Variants in PPDPFL observed in about 807,000 individuals in gnomAD.
PPDPFL encodes the protein pancreatic progenitor cell differentiation and proliferation factor-like protein.
A neutral mutation model predicts 12.6 loss-of-function variants in PPDPFL; 12 were observed. That is an observed-to-expected ratio of 0.95 (90% CI 0.61 to 1.54). PPDPFL has a LOEUF of 1.54. Ranked by LOEUF, PPDPFL falls within the 40% of genes most tolerant of loss-of-function variation. The pLI, the probability that PPDPFL is intolerant of heterozygous loss-of-function variation, is 0.00. For synonymous variants in PPDPFL, 24 were observed against 32.7 expected (o/e 0.73, Z 0.91); for missense variants, 114 against 96.0 (o/e 1.19, Z -0.78).
intron 4 of PPDPFL, 178 bp downstream of exon 4, chr8:49,074,511 T>G (rs780685079): frequency 4.5e-5 from 69 of 1,537,662 alleles, no homozygotes; most frequent in Non-Finnish European, 5.8e-5. Flanking sequence ...TCCTTGCAGG[T>G]CGCTGTCAGG....
At chr8:49,054,827 A>G (rs1483809731) in intron 1 of PPDPFL, among the ~76,000 whole-genome samples, 1 of 152,214 alleles carries the variant, frequency 6.6e-6, no homozygotes, top group Non-Finnish European at 1.5e-5. Flanking sequence ...ATTATCACTC[A>G]AAGGCATACT....
intron 1 of PPDPFL, among the ~76,000 whole-genome samples, chr8:49,055,311 G>A (rs1808096462): frequency 1.3e-5 from 2 of 152,214 alleles, no homozygotes; most frequent in African/African-American, 4.8e-5. Context: ...TCTGCACTGA[G>A]GCAGTTGCAA....
At position 49,074,111 on chromosome 8, in the gene PPDPFL, C is replaced by T. The variant is rs1405245278; in HGVS notation, c.108C>T (p.Phe36=). ...TAACTAGCTCTGATTCTGTTAACTTCATAGATGACGACAAACCACAGCAAG... is the reference window on the plus strand; with the variant it reads ...TAACTAGCTCTGATTCTGTTAACTTTATAGATGACGACAAACCACAGCAAG... ...SSLTSSDSVN[F]IDDDKPQQGL... Residue 36 remains phenylalanine, a synonymous_variant, in exon 3 of 5, where the codon TTC becomes TTT. Transcript: ENST00000522267. 6.2e-7 allele frequency: 1 copy of T among 1,612,870 alleles called. No individual in the cohort carries two copies. The highest frequency in any genetic ancestry group is 2.2e-5 in the East Asian group (1 of 44,868).
At chr8:49,073,593 A>G (rs543074185) in intron 2 of PPDPFL, among the ~76,000 whole-genome samples, 28 of 152,296 alleles carry the variant, frequency 1.8e-4, no homozygotes, top group African/African-American at 6.7e-4. Context: ...TTATATTCTG[A>G]TCTTATAAGA....
chr8:49,056,804 G>T (rs1217478619), intron 1 of PPDPFL, among the ~76,000 whole-genome samples: 1 of 152,088 alleles, frequency 6.6e-6, no homozygotes, highest in Non-Finnish European at 1.5e-5. Context: ...ATAGAAATAC[G>T]ACAATCAGTT....
chr8:49,071,653 C>T (rs1808392486), upstream of PPDPFL, among the ~76,000 whole-genome samples: 1 of 150,252 alleles, frequency 6.7e-6, no homozygotes, highest in African/African-American at 2.5e-5. Context: ...GAGACTCCGC[C>T]TCAGGAAAAG....
At chr8:49,059,808 C>A (rs1006904262) in intron 1 of PPDPFL, among the ~76,000 whole-genome samples, 1 of 152,156 alleles carries the variant, frequency 6.6e-6, no homozygotes, top group African/African-American at 2.4e-5. Flanking sequence ...AATGTATTTG[C>A]AATACCAGAG....
intron 1 of PPDPFL, among the ~76,000 whole-genome samples, chr8:49,063,168 C>T (rs893136432): frequency 3.9e-5 from 6 of 152,184 alleles, no homozygotes; most frequent in African/African-American, 1.4e-4. Context: ...CTGGTTTACT[C>T]TTACTCTATC....
At chr8:49,067,600 C>T (rs555130003), upstream of PPDPFL, among the ~76,000 whole-genome samples, 20 of 152,296 alleles carry the variant, frequency 1.3e-4, no homozygotes, top group East Asian at 3.7e-3. Context: ...TTTCCATGCT[C>T]CAGAAAGCAG....
intron 1 of PPDPFL, among the ~76,000 whole-genome samples, chr8:49,055,357 C>T (rs992471705): frequency 6.6e-6 from 1 of 152,074 alleles, no homozygotes; most frequent in Admixed American, 6.6e-5. Flanking sequence ...TCATTTTGCA[C>T]CTTGGACACC....
intron 4 of PPDPFL, 156 bp from the exon 5 acceptor site, chr8:49,074,996 G>A (rs868211776): frequency 1.4e-6 from 2 of 1,382,474 alleles, no homozygotes; most frequent in African/African-American, 2.9e-5. Context: ...TTTAAAATTA[G>A]AATCATTATT....
At chr8:49,063,421 T>G (rs1303334371) in intron 1 of PPDPFL, among the ~76,000 whole-genome samples, 1 of 152,124 alleles carries the variant, frequency 6.6e-6, no homozygotes. Context: ...ATGCTACTTT[T>G]AAAGATATAA....
At chr8:49,059,802 T>C (rs1212736631) in intron 1 of PPDPFL, among the ~76,000 whole-genome samples, 1 of 152,368 alleles carries the variant, frequency 6.6e-6, no homozygotes, top group East Asian at 1.9e-4. Flanking sequence ...TGTTATAATG[T>C]ATTTGCAATA....
chr8:49,064,553 G>A (rs1808264201), intron 1 of PPDPFL, among the ~76,000 whole-genome samples: 1 of 152,052 alleles, frequency 6.6e-6, no homozygotes, highest in African/African-American at 2.4e-5. Flanking sequence ...GTGCCGCCCA[G>A]GTTCCCCCCC....
chr8:49,070,813 A>G (rs1808371754), upstream of PPDPFL, among the ~76,000 whole-genome samples: 1 of 152,208 alleles, frequency 6.6e-6, no homozygotes, highest in Non-Finnish European at 1.5e-5. Context: ...AATGATTACT[A>G]CACTCAAGCA....
chr8:49,067,037 G>C (rs904589039), intron 1 of PPDPFL, among the ~76,000 whole-genome samples: 1 of 152,198 alleles, frequency 6.6e-6, no homozygotes, highest in Admixed American at 6.5e-5. Flanking sequence ...GATTCTAGAT[G>C]AGATTGGTTT....
At chr8:49,064,275 A>T (rs976967259) in intron 1 of PPDPFL, among the ~76,000 whole-genome samples, 2 of 152,188 alleles carry the variant, frequency 1.3e-5, no homozygotes, top group African/African-American at 4.8e-5. Context: ...AAGTTCAAAG[A>T]TGAAGATATG....
chr8:49,073,633 G>A (rs1808433740), intron 2 of PPDPFL, among the ~76,000 whole-genome samples: 1 of 152,094 alleles, frequency 6.6e-6, no homozygotes, highest in African/African-American at 2.4e-5. Flanking sequence ...AGCCTAATAA[G>A]ACAAAATGTT....
chr8:49,074,697 C>T, intron 4 of PPDPFL: 2 of 1,477,952 alleles, frequency 1.4e-6, no homozygotes, highest in Non-Finnish European at 1.8e-6. Flanking sequence ...CTTAAATAAC[C>T]TTAGGATAAC....
Sources: gnomAD v4.1 joint callset for allele counts (sites outside exome capture counted in the v4.1 genomes callset) on GRCh38, gnomAD v4.1.1 for gene constraint, MANE v1.5 for transcripts, NCBI Gene and HGNC (gene_info 2026-07-23, HGNC 2026-07-21) for gene names.